Variants in RGS6 observed in about 807,000 individuals in gnomAD.
The protein encoded by RGS6 is regulator of G protein signaling 6, also known as regulator of G-protein signaling 6.
In RGS6, 30 loss-of-function variants were observed where a neutral mutation model predicts 78.5. The ratio of observed to expected loss-of-function variants is 0.38; its 90% CI spans 0.29 to 0.52. The LOEUF (loss-of-function observed/expected upper bound fraction) is 0.52, where lower values mean the gene tolerates loss of function less well. RGS6 is among the 20% of genes least tolerant of loss of function. RGS6 has a pLI of 0.85. For synonymous variants in RGS6, 206 were observed against 206.0 expected, an observed-to-expected ratio of 1.00 and a Z score of 0.00; for missense variants, 495 against 609.7, an observed-to-expected ratio of 0.81 and a Z score of 1.98.
chr14:71,947,429 C>G (rs1299860077), intron 1 of RGS6, among the ~76,000 whole-genome samples: 2 of 152,158 alleles, frequency 1.3e-5, no homozygotes, highest in Non-Finnish European at 2.9e-5. Flanking sequence ...TGCCTGCCAT[C>G]TGCCTTAAAA....
intron 3 of RGS6, among the ~76,000 whole-genome samples, chr14:72,380,987 A>G (rs1264902225): frequency 6.6e-6 from 1 of 152,142 alleles, no homozygotes; most frequent in African/African-American, 2.4e-5. Flanking sequence ...GTGACGGAAT[A>G]CTATTAGGCT....
At chr14:72,452,491 T>C (rs1028320330) in intron 3 of RGS6, among the ~76,000 whole-genome samples, 1 of 152,150 alleles carries the variant, frequency 6.6e-6, no homozygotes, top group Non-Finnish European at 1.5e-5. Context: ...AGAAACAAAA[T>C]GTCTAGGCTT....
At chr14:72,619,895 A>G in the RGS6 span, 5 of 1,528,906 alleles carry the variant, frequency 3.3e-6, no homozygotes, top group South Asian at 3.6e-5. Flanking sequence ...TGACTTCATC[A>G]TCATTACCTT....
At chr14:72,463,854 A>T (rs1182743105) in intron 6 of RGS6, among the ~76,000 whole-genome samples, 3 of 152,178 alleles carry the variant, frequency 2.0e-5, no homozygotes, top group Non-Finnish European at 4.4e-5. Context: ...ACACCCCTTT[A>T]TCAGACACAG....
At position 71,982,027 on chromosome 14, in the gene RGS6, C is replaced by T. The variant is rs896730051; in HGVS notation, c.84+17152C>T. 4.0e-5 allele frequency among the ~76,000 whole-genome samples: 6 copies of T among 151,724 alleles called. 1 individual carries two copies. The Middle Eastern group carries it at 0.01, about 260-fold the overall frequency. ...AAGCCCGTCGGAAAAGCGCAGTATT[C>T]GGGTGGGAGTGACCCGATTTTCCAG... On this transcript the variant is annotated intron_variant, in intron 2 of 17. Coordinates refer to ENST00000553525, the MANE Select transcript of RGS6 (RefSeq NM_001204424.2).
At chr14:72,198,883 T>A (rs2040831772) in intron 2 of RGS6, among the ~76,000 whole-genome samples, 1 of 152,238 alleles carries the variant, frequency 6.6e-6, no homozygotes, top group Non-Finnish European at 1.5e-5. Context: ...CTGACAAATG[T>A]CACCTTAGTG....
chr14:72,091,674 T>C (rs12897719), intron 2 of RGS6, among the ~76,000 whole-genome samples: 28,574 of 152,004 alleles, frequency 0.19, 3,069 homozygotes, highest in Admixed American at 0.24. Flanking sequence ...ATGGCCTAAG[T>C]AAGCAGAACG....
At chr14:72,075,004 A>C (rs1391573807) in intron 2 of RGS6, among the ~76,000 whole-genome samples, 2 of 152,232 alleles carry the variant, frequency 1.3e-5, no homozygotes, top group East Asian at 1.9e-4. Context: ...TAGTAAAGTG[A>C]AGGATCTTTT....
chr14:72,033,482 G>T (rs1214888469), intron 2 of RGS6, among the ~76,000 whole-genome samples: 17 of 152,044 alleles, frequency 1.1e-4, no homozygotes, highest in Admixed American at 9.8e-4. Flanking sequence ...TGGTCCTCTT[G>T]CCTTAGCCTC....
chr14:71,897,761 C>G, the RGS6 span, among the ~76,000 whole-genome samples: 540 of 152,192 alleles, frequency 3.5e-3, 5 homozygotes, highest in African/African-American at 0.012. Flanking sequence ...CCTCATGATC[C>G]ACCTGCCTCA....
the RGS6 span, among the ~76,000 whole-genome samples, chr14:71,922,854 A>T: frequency 7.2e-6 from 1 of 139,682 alleles, no homozygotes; most frequent in South Asian, 2.4e-4. Flanking sequence ...AAGACAAAAA[A>T]CAAAAACAAA....
chr14:72,576,689 A>T, the RGS6 span, among the ~76,000 whole-genome samples: 1 of 152,208 alleles, frequency 6.6e-6, no homozygotes, highest in South Asian at 2.1e-4. Context: ...TTGGGGAGCT[A>T]AAATCTGGCT....
chr14:72,596,579 G>A, the RGS6 span, among the ~76,000 whole-genome samples: 11,182 of 152,172 alleles, frequency 0.073, 1,459 homozygotes, highest in African/African-American at 0.26. Flanking sequence ...AGCAAAAAAA[G>A]TTCAGGAAAT....
At chr14:72,128,283 G>A (rs985616041) in intron 2 of RGS6, among the ~76,000 whole-genome samples, 5 of 152,018 alleles carry the variant, frequency 3.3e-5, no homozygotes, top group Non-Finnish European at 1.5e-5. Context: ...TCTCTTTATG[G>A]TATTTCATAA....
At chr14:71,983,957 C>T (rs2094572206) in intron 2 of RGS6, among the ~76,000 whole-genome samples, 1 of 152,176 alleles carries the variant, frequency 6.6e-6, no homozygotes, top group Non-Finnish European at 1.5e-5. Flanking sequence ...TCTGACAAAG[C>T]ACTGTGTGGG....
chr14:72,347,026 C>A (rs2078189559), intron 2 of RGS6, among the ~76,000 whole-genome samples: 1 of 152,194 alleles, frequency 6.6e-6, no homozygotes, highest in Non-Finnish European at 1.5e-5. Context: ...TGGCTGTGGC[C>A]CATCCAGGCA....
chr14:72,324,636 G>A (rs2073192519), intron 2 of RGS6, among the ~76,000 whole-genome samples: 1 of 152,028 alleles, frequency 6.6e-6, no homozygotes, highest in African/African-American at 2.4e-5. Flanking sequence ...ATAGTTTGCT[G>A]AGAATGATGG....
chr14:72,366,809 C>T (rs941270088), intron 3 of RGS6, among the ~76,000 whole-genome samples: 1 of 152,170 alleles, frequency 6.6e-6, no homozygotes, highest in African/African-American at 2.4e-5. Context: ...AGGTGATAGA[C>T]ATATCCTGGG....
At position 72,181,763 on chromosome 14, in the gene RGS6, G is replaced by T. The variant is rs542391959; in HGVS notation, c.85-170332G>T. On this transcript the variant is annotated intron_variant, in intron 2 of 17. Transcript: ENST00000553525. ...TGTTTCTTTGCCTTCCTAATAACAT[G>T]AGGGTTTTTAGTTTTTGTTTTTAAC... 3.3e-5 allele frequency among the ~76,000 whole-genome samples: 5 copies of T among 152,256 alleles called. No homozygotes were observed. In the East Asian group the frequency reaches 9.6e-4, roughly 29 times the overall value.
Sources: allele counts gnomAD v4.1 joint callset (sites outside exome capture counted in the v4.1 genomes callset), GRCh38; gene constraint gnomAD v4.1.1; transcripts MANE v1.5; gene names NCBI Gene and HGNC (gene_info 2026-07-23, HGNC 2026-07-21).